The following HERC2 variants were observed in gnomAD, a reference collection of about 807,000 sequenced individuals.
The protein encoded by HERC2 is E3 ubiquitin-protein ligase HERC2.
In HERC2, 102 loss-of-function variants were observed where a neutral mutation model predicts 537.7. That is an observed-to-expected ratio of 0.19 (90% CI 0.16 to 0.22). The LOEUF is 0.22. HERC2 is among the 10% of genes least tolerant of loss of function. HERC2 has a pLI of 1.00. For synonymous variants in HERC2, 2,224 were observed against 2,466.2 expected (o/e 0.90, Z 2.91); for missense variants, 4,236 against 6,198.2 (o/e 0.68, Z 10.63).
intron 83 of HERC2, among the ~76,000 whole-genome samples, chr15:28,129,678 T>C (rs1167369267): frequency 1.3e-5 from 2 of 151,954 alleles, no homozygotes; most frequent in Non-Finnish European, 2.9e-5. Context: ...AAGTAATAAA[T>C]AGAACTCATT....
rs755733480 is a variant in HERC2 at position 28,130,252 on chromosome 15, C to T, written c.12713G>A (p.Arg4238Gln). 3 of 1,614,178 alleles carry T rather than the reference C, an allele frequency of 1.9e-6. No homozygotes were observed. Among genetic ancestry groups the T allele is most frequent in the Admixed American group, 1.7e-5 (1 of 60,018 alleles). Residue 4238 changes from arginine to glutamine, a missense_variant, in exon 83 of 93, where the codon CGA becomes CAA. Arg to Gln is a conservative substitution (Grantham distance 43). This residue lies in a region of HERC2 where 189 missense variants were observed against 255.7 expected (regional missense o/e 0.74). Transcript: ENST00000261609. ...CAACCCTTGGACCTGCCGAGGCCTT[C>T]GAACATGGTCATCTGATCCATGGCC... ...RLGHGSDDHVRRPRQVQGLQG... is the reference protein window; with the variant it reads ...RLGHGSDDHVQRPRQVQGLQG...
chr15:28,111,616 G>A lies in HERC2; in HGVS notation c.*147C>T, dbSNP rs1006690151. On this transcript the variant is annotated 3_prime_UTR_variant, in exon 93 of 93. Coordinates refer to ENST00000261609, the MANE Select transcript of HERC2 (RefSeq NM_004667.6). ...ACCTTCTCACTGTCATTCCCATCACGGCCAGTCAGTCTCTCCACTCCCTCC... is the reference window on the plus strand; with the variant it reads ...ACCTTCTCACTGTCATTCCCATCACAGCCAGTCAGTCTCTCCACTCCCTCC... The A allele has an allele frequency of 1.3e-5, 10 of 774,020 alleles. No individual in the cohort carries two copies. The highest frequency in any genetic ancestry group is 3.8e-4 in the Middle Eastern group (1 of 2,628). The allele number at this position is 774,020 out of a possible 1,614,324, so 47.9% of individuals were successfully genotyped here.
intron 71 of HERC2, 55 bp downstream of exon 71, chr15:28,146,182 T>G: frequency 8.5e-7 from 1 of 1,178,556 alleles, no homozygotes; most frequent in Admixed American, 1.7e-5. Flanking sequence ...TGAAGGGTTG[T>G]GTCTACGGAG....
rs907697701 is a variant in HERC2, at chr15:28,113,990, C to T, written c.13914-312G>A. 6.6e-6 allele frequency among the ~76,000 whole-genome samples: 1 copy of T among 151,486 alleles called. No individual in the cohort carries two copies. The highest frequency in any genetic ancestry group is 6.6e-5 in the Admixed American group (1 of 15,264). On this transcript the variant is annotated intron_variant, in intron 90 of 92. Coordinates refer to ENST00000261609, the MANE Select transcript of HERC2 (RefSeq NM_004667.6). The surrounding 1 kb of genome is among the most constrained non-coding windows in gnomAD (Gnocchi z 7.0). Reference sequence around the variant, plus strand: ...AGCACCAAGAGGGGAAACACATGTGCATCCGCCCCAGGCCCGAGACACTGT... The same window carrying T: ...AGCACCAAGAGGGGAAACACATGTGTATCCGCCCCAGGCCCGAGACACTGT...
chr15:28,245,638 CATAT>C (rs112634055), intron 23 of HERC2, among the ~76,000 whole-genome samples: 5 of 150,462 alleles, frequency 3.3e-5, no homozygotes, highest in African/African-American at 1.2e-4. Flanking sequence ...TATGTACACA[CATAT>C]ATATACACAC....
chr15:28,280,003 GAAACA>G, intron 5 of HERC2, 60 bp downstream of exon 5: 1 of 1,316,210 alleles, frequency 7.6e-7, no homozygotes, highest in Non-Finnish European at 1.1e-6. Context: ...TAAACTTTCT[GAAACA>G]AAACAGTCTG....
rs1439665713 is a variant in HERC2, at chr15:28,115,492, G to A, written c.13659C>T (p.Asn4553=). 12 of 1,613,904 alleles carry A rather than the reference G, an allele frequency of 7.4e-6. No individual in the cohort carries two copies. Among genetic ancestry groups the A allele is most frequent in the South Asian group, 1.1e-5 (1 of 91,074 alleles). Residue 4553 remains asparagine (N), a synonymous_variant, in exon 89 of 93, where the codon AAC becomes AAT. Coordinates refer to ENST00000261609, the MANE Select transcript of HERC2 (RefSeq NM_004667.6). The part of the protein sequence containing the change: ...AIRTGSPLSL[N]LAEPVWKQLA... ...GCTGCTTCCAGACAGGCTCGGCAAG[G>A]TTGAGGCTCAGGGGACTCCCGGTTC...
chr15:28,137,470 C>T (rs1429539925), intron 78 of HERC2, among the ~76,000 whole-genome samples: 1 of 152,222 alleles, frequency 6.6e-6, no homozygotes, highest in African/African-American at 2.4e-5. Context: ...TGCTGACTTA[C>T]CGTCGCTATG....
chr15:28,282,762 T>C (rs137996896), intron 4 of HERC2, among the ~76,000 whole-genome samples: 3,181 of 152,150 alleles, frequency 0.021, 102 homozygotes, highest in African/African-American at 0.072. Context: ...TGAAACCTCA[T>C]CTCTATTAAA....
intron 50 of HERC2, among the ~76,000 whole-genome samples, chr15:28,197,770 T>C (rs1897491185): frequency 6.6e-6 from 1 of 152,138 alleles, no homozygotes; most frequent in Non-Finnish European, 1.5e-5. Context: ...AGTCAGGAGC[T>C]GGCCTGTTAA....
At chr15:28,171,112 C>T (rs1192525230) in intron 65 of HERC2, among the ~76,000 whole-genome samples, 1 of 152,346 alleles carries the variant, frequency 6.6e-6, no homozygotes, top group African/African-American at 2.4e-5. Flanking sequence ...AACCATCACA[C>T]TCTTGGACAT....
At chr15:28,267,647 C>T (rs75306408) in intron 12 of HERC2, among the ~76,000 whole-genome samples, 2,955 of 152,344 alleles carry the variant, frequency 0.019, 93 homozygotes, top group African/African-American at 0.068. Flanking sequence ...ATACATGTAC[C>T]ACACGATACG....
intron 44 of HERC2, among the ~76,000 whole-genome samples, chr15:28,207,601 T>C (rs1898624394): frequency 6.6e-6 from 1 of 152,148 alleles, no homozygotes; most frequent in Non-Finnish European, 1.5e-5. Context: ...TTTTTGTCTG[T>C]TATGAGTAGC....
At chr15:28,217,041 G>T (rs569846418) in intron 38 of HERC2, among the ~76,000 whole-genome samples, 1 of 152,142 alleles carries the variant, frequency 6.6e-6, no homozygotes, top group East Asian at 1.9e-4. Context: ...CATCACTCGT[G>T]CTCACACTGA....
At chr15:28,157,153 T>C (rs1338014735) in intron 69 of HERC2, among the ~76,000 whole-genome samples, 2 of 152,228 alleles carry the variant, frequency 1.3e-5, no homozygotes, top group Non-Finnish European at 2.9e-5. Context: ...GGTTTGCCAG[T>C]ATTTTATTGA....
intron 64 of HERC2, among the ~76,000 whole-genome samples, 194 bp from the exon 65 acceptor site, chr15:28,174,814 C>T (rs1397122956): frequency 6.6e-6 from 1 of 152,100 alleles, no homozygotes; most frequent in East Asian, 1.9e-4. Flanking sequence ...AAAATCTAAC[C>T]ATGAAAATGC....
chr15:28,126,275 C>T (rs967071142), intron 83 of HERC2, among the ~76,000 whole-genome samples: 4 of 152,180 alleles, frequency 2.6e-5, no homozygotes, highest in Non-Finnish European at 4.4e-5. Flanking sequence ...TCTGTGAAAA[C>T]GCGTTGTGAT....
At chr15:28,209,496 A>G (rs1372854735) in intron 44 of HERC2, among the ~76,000 whole-genome samples, 2 of 152,068 alleles carry the variant, frequency 1.3e-5, no homozygotes, top group East Asian at 3.9e-4. Flanking sequence ...GGCACCTGCC[A>G]CCACGCCCAG....
At chr15:28,123,234 T>C (rs1266781985) in intron 85 of HERC2, among the ~76,000 whole-genome samples, 1 of 152,188 alleles carries the variant, frequency 6.6e-6, no homozygotes, top group Non-Finnish European at 1.5e-5. Flanking sequence ...CTTTAAAAAG[T>C]AACCTGCTGG....
Sources: gnomAD v4.1 joint callset for allele counts (sites outside exome capture counted in the v4.1 genomes callset) on GRCh38, gnomAD v4.1.1 for gene constraint, gnomAD v4.1.1 regional missense constraint, Gnocchi (gnomAD v3.1) non-coding constraint, MANE v1.5 for transcripts, NCBI Gene and HGNC (gene_info 2026-07-23, HGNC 2026-07-21) for gene names.